Variants in ADGB observed in about 807,000 individuals in gnomAD.
ADGB encodes the protein calpain-7-like protein.
Under a neutral mutation model 210.5 loss-of-function variants are expected in ADGB, and 172 were observed. That is an observed-to-expected ratio of 0.82 (90% CI 0.72 to 0.93). The LOEUF (loss-of-function observed/expected upper bound fraction) is 0.93. Among genes scored for constraint, ADGB ranks in the 40% least tolerant of loss-of-function variants. The pLI, the probability that ADGB is intolerant of heterozygous loss-of-function variation, is 0.00. For synonymous variants in ADGB, 658 were observed against 662.7 expected (o/e 0.99, Z 0.11); for missense variants, 2,025 against 1,964.8 (o/e 1.03, Z -0.58).
chr6:146,644,828 A>G lies in ADGB; in HGVS notation c.293A>G (p.Tyr98Cys). Residue 98 changes from tyrosine to cysteine, a missense_variant, in exon 3 of 36, where the codon TAT becomes TGT. Tyr to Cys is a radical substitution (Grantham distance 194, BLOSUM62 -2). Coordinates refer to ENST00000397944, the MANE Select transcript of ADGB (RefSeq NM_024694.4). ...GAGTTACCACCATCCTTGAAAATTT[A>G]TTCCTGGAAACGTCCACAAGATATT... is the stretch of plus-strand genomic sequence containing the variant. ...KIELPPSLKI[Y>C]SWKRPQDILF... The G allele has an allele frequency of 6.7e-7, 1 of 1,493,472 alleles. No individual in the cohort carries two copies. Among genetic ancestry groups the G allele is most frequent in the Non-Finnish European group, 8.9e-7 (1 of 1,121,260 alleles). The allele number at this position is 1,493,472 out of a possible 1,614,324, so 92.5% of individuals were successfully genotyped here. A position where few individuals can be genotyped will look rare whatever the true frequency, so the allele number is the denominator to read the frequency against.
intron 33 of ADGB, 145 bp downstream of exon 33, chr6:146,788,755 T>G: frequency 1.2e-6 from 1 of 862,360 alleles, no homozygotes; most frequent in Non-Finnish European, 1.7e-6. Flanking sequence ...TTTTACTTAA[T>G]GGAGTTGGGA....
Position 146,692,857 on chromosome 6 carries a change from G to A in ADGB, c.1519G>A (p.Glu507Lys). 1 of 1,541,382 alleles carries A rather than the reference G, an allele frequency of 6.5e-7. No individual in the cohort carries two copies. Among genetic ancestry groups the A allele is most frequent in the Non-Finnish European group, 8.8e-7 (1 of 1,140,428 alleles). The change falls in exon 12 of 36, where the codon GAG becomes AAG. Residue 507 changes from glutamate (E) to lysine (K), a missense_variant. Glu to Lys is a moderately conservative substitution (Grantham distance 56, BLOSUM62 1). Transcript: ENST00000397944. ...LIVKKPERFL[E>K]ISSPFLNYRM... ...AGTAAAGAAGCCTGAACGGTTCCTT[G>A]AGATTTCAAGTCCATTTTTGAATTA...
intron 1 of ADGB, among the ~76,000 whole-genome samples, chr6:146,603,301 T>C (rs1266843892): frequency 2.6e-5 from 4 of 152,194 alleles, no homozygotes; most frequent in Non-Finnish European, 4.4e-5. Flanking sequence ...CTGGAGGGAT[T>C]TGTAGTGATA....
chr6:146,601,309 A>C (rs915858090), intron 1 of ADGB, among the ~76,000 whole-genome samples: 1 of 152,242 alleles, frequency 6.6e-6, no homozygotes. Flanking sequence ...GCATACATTT[A>C]TGAAAATAGA....
At chr6:146,663,127 A>G (rs998067090) in intron 5 of ADGB, among the ~76,000 whole-genome samples, 2 of 141,836 alleles carry the variant, frequency 1.4e-5, no homozygotes, top group Admixed American at 1.5e-4. Flanking sequence ...TAATAAATAT[A>G]TAATTATATA....
chr6:146,699,073 G>C (rs1776450986), intron 12 of ADGB, among the ~76,000 whole-genome samples: 1 of 152,132 alleles, frequency 6.6e-6, no homozygotes, highest in Admixed American at 6.6e-5. Flanking sequence ...GCTACCCATT[G>C]TTTTAGTCAG....
Position 146,724,323 on chromosome 6 carries a change from G to C in ADGB, c.2233G>C (p.Val745Leu), listed in dbSNP as rs1384318157. Residue 745 changes from valine to leucine, a missense_variant, in exon 18 of 36, where the codon GTT becomes CTT. Transcript: ENST00000397944. ...CAAGGCTACAGTGGTTCGTCTGCCTGTTGGGTATGAAGTGGCTTCATTTTT... is the reference window on the plus strand; with the variant it reads ...CAAGGCTACAGTGGTTCGTCTGCCTCTTGGGTATGAAGTGGCTTCATTTTT... The part of the protein sequence containing the change: ...ATKATVVRLP[V>L]GRHMLLFNAY... 1.2e-5 allele frequency: 19 copies of C among 1,529,420 alleles called. No individual in the cohort carries two copies. The highest frequency in any genetic ancestry group is 1.6e-5 in the Non-Finnish European group (18 of 1,139,752). The allele number at this position is 1,529,420 out of a possible 1,614,324, so 94.7% of individuals were successfully genotyped here. A position where few individuals can be genotyped will look rare whatever the true frequency, so the allele number is the denominator to read the frequency against.
chr6:146,810,295 A>G (rs1305349923), intron 35 of ADGB, among the ~76,000 whole-genome samples: 1 of 152,198 alleles, frequency 6.6e-6, no homozygotes, highest in African/African-American at 2.4e-5. Context: ...TATCATAAAG[A>G]CAAGAGATAA....
At chr6:146,664,108 CG>C in intron 5 of ADGB, 92 bp from the exon 6 acceptor site, 1 of 1,242,632 alleles carries the variant, frequency 8.0e-7, no homozygotes, top group Non-Finnish European at 1.1e-6. Context: ...AATTGGAAAA[CG>C]GTAAATAGTA....
intron 1 of ADGB, among the ~76,000 whole-genome samples, chr6:146,607,290 T>C (rs1046007501): frequency 3.3e-5 from 5 of 152,174 alleles, no homozygotes; most frequent in Admixed American, 1.3e-4. Flanking sequence ...TAAGAGCCAT[T>C]GGGCTGAGGC....
Position 146,802,343 on chromosome 6 carries a change from G to T in ADGB, c.4818+332G>T, listed in dbSNP as rs189991250. ...GCTTGAGACATACAAATCCTAAACT[G>T]TCAGTGGGAAAAGTCTTTTTTTTTA... On this transcript the variant is annotated intron_variant, in intron 35 of 35. Transcript: ENST00000397944. 5.2e-3 allele frequency: 908 copies of T among 174,702 alleles called. 1 individual carries two copies. The highest frequency in any genetic ancestry group is 8.1e-3 in the Non-Finnish European group (686 of 84,474). The allele number at this position is 174,702 out of a possible 1,614,324, so 10.8% of individuals were successfully genotyped here.
intron 1 of ADGB, among the ~76,000 whole-genome samples, chr6:146,616,958 A>G (rs1171706085): frequency 6.6e-6 from 1 of 152,092 alleles, no homozygotes; most frequent in Admixed American, 6.6e-5. Flanking sequence ...AAATTTTAGA[A>G]TAGTTTTTTC....
At chr6:146,615,648 C>CA (rs1252967385) in intron 1 of ADGB, among the ~76,000 whole-genome samples, 3 of 152,148 alleles carry the variant, frequency 2.0e-5, no homozygotes, top group Non-Finnish European at 4.4e-5. Flanking sequence ...TTCATCAGAT[C>CA]AACTTTTTTA....
intron 3 of ADGB, among the ~76,000 whole-genome samples, chr6:146,645,754 T>G (rs1409367915): frequency 6.6e-6 from 1 of 151,994 alleles, no homozygotes; most frequent in Non-Finnish European, 1.5e-5. Flanking sequence ...ACTAGTTGAG[T>G]AAATCAGATG....
Position 146,740,527 on chromosome 6 carries a change from T to C in ADGB, c.2957T>C (p.Ile986Thr). Reference protein sequence around the residue: ...YPCYQDEETKIAFADYTVTYQ... With the variant: ...YPCYQDEETKTAFADYTVTYQ... ...TGCTATCAAGATGAAGAAACTAAGATTGCTTTTGCAGATTATACTGTGACT... is the reference window on the plus strand; with the variant it reads ...TGCTATCAAGATGAAGAAACTAAGACTGCTTTTGCAGATTATACTGTGACT... Residue 986 changes from isoleucine (I) to threonine (T), a missense_variant, in exon 24 of 36, where the codon ATT (isoleucine) becomes ACT (threonine). Coordinates refer to ENST00000397944, the MANE Select transcript of ADGB (RefSeq NM_024694.4). 2 of 1,550,504 alleles carry C rather than the reference T, an allele frequency of 1.3e-6. No homozygotes were observed.
intron 1 of ADGB, among the ~76,000 whole-genome samples, chr6:146,621,873 T>C (rs563091696): frequency 1.2e-3 from 178 of 152,302 alleles, no homozygotes; most frequent in Non-Finnish European, 2.1e-3. Context: ...CATATTCATG[T>C]ATGTACATGC....
intron 9 of ADGB, among the ~76,000 whole-genome samples, chr6:146,676,832 G>A (rs574165481): frequency 6.6e-6 from 1 of 152,326 alleles, no homozygotes; most frequent in Admixed American, 6.5e-5. Flanking sequence ...CTTGCTCACA[G>A]TGGGCCTCCA....
In ADGB at chr6:146,733,926, C is replaced by T. The variant is rs1301045682; in HGVS notation, c.2690C>T (p.Thr897Ile). 1 of 1,551,536 alleles carries T rather than the reference C, an allele frequency of 6.4e-7. No homozygotes were observed. Among genetic ancestry groups the T allele is most frequent in the Non-Finnish European group, 8.7e-7 (1 of 1,146,952 alleles). ...CTGGACGTTAAATATTGTATGCCCACAAGTGATAAAGAGTATTCTGCTGAG... is the reference window on the plus strand; with the variant it reads ...CTGGACGTTAAATATTGTATGCCCATAAGTGATAAAGAGTATTCTGCTGAG... ...EWLDVKYCMP[T>I]SDKEYSAEEV... Residue 897 changes from threonine to isoleucine, a missense_variant, in exon 22 of 36, where the codon ACA becomes ATA. Transcript: ENST00000397944.
chr6:146,712,482 A>T (rs7751917), intron 13 of ADGB, among the ~76,000 whole-genome samples: 1 of 151,442 alleles, frequency 6.6e-6, no homozygotes, highest in African/African-American at 2.4e-5. Context: ...CCACCATGCC[A>T]GGCCCTGGGT....
Sources: gnomAD v4.1 joint callset for allele counts (sites outside exome capture counted in the v4.1 genomes callset) on GRCh38, gnomAD v4.1.1 for gene constraint, MANE v1.5 for transcripts, NCBI Gene and HGNC (gene_info 2026-07-23, HGNC 2026-07-21) for gene names.